Variants in CEP72 observed in about 807,000 individuals in gnomAD.
CEP72 encodes the protein centrosomal protein of 72 kDa.
In CEP72, 78 loss-of-function variants were observed where a neutral mutation model predicts 65.7. The ratio of observed to expected loss-of-function variants is 1.19; its 90% CI spans 0.99 to 1.43. The LOEUF is 1.43. CEP72 is among the 40% of genes most tolerant of loss of function. CEP72 has a pLI of 0.00. For synonymous variants in CEP72, 358 were observed against 351.7 expected, an observed-to-expected ratio of 1.02 and a Z score of -0.20; for missense variants, 914 against 832.9, an observed-to-expected ratio of 1.10 and a Z score of -1.20.
Position 633,947 on chromosome 5 carries a change from G to A in CEP72, c.691G>A (p.Glu231Lys), listed in dbSNP as rs1737408837. ...GREADSRGSQ[E>K]SRHLLSPQLV... ...TGAGGCCGACTCTCGTGGTTCCCAA[G>A]GTGCGCTGCTCATCTGCCAGGAGGC... Residue 231 changes from glutamate to lysine, a missense_variant and splice_region_variant, in exon 5 of 12, where the codon GAA becomes AAA. By Grantham distance (56) the Glu-to-Lys change is moderately conservative. Transcript: ENST00000264935. 1.2e-6 allele frequency: 2 copies of A among 1,610,864 alleles called. No homozygotes were observed. Among genetic ancestry groups the A allele is most frequent in the Non-Finnish European group, 1.7e-6 (2 of 1,179,900 alleles).
intron 4 of CEP72, among the ~76,000 whole-genome samples, chr5:628,284 G>A (rs1209186163): frequency 3.9e-5 from 6 of 152,252 alleles, no homozygotes; most frequent in Non-Finnish European, 8.8e-5. Flanking sequence ...GGAAGATGAC[G>A]TGGGTCAATG....
Position 633,952 on chromosome 5 carries a change from G to T in CEP72, c.691+5G>T, listed in dbSNP as rs775340730. ...CCGACTCTCGTGGTTCCCAAGGTGCGCTGCTCATCTGCCAGGAGGCCAGTG... is the reference window on the plus strand; with the variant it reads ...CCGACTCTCGTGGTTCCCAAGGTGCTCTGCTCATCTGCCAGGAGGCCAGTG... On this transcript the variant is annotated splice_donor_5th_base_variant and intron_variant, in intron 5 of 11. Transcript: ENST00000264935. 3.7e-6 allele frequency: 6 copies of T among 1,610,198 alleles called. No individual in the cohort carries two copies. Among genetic ancestry groups the T allele is most frequent in the Middle Eastern group, 1.7e-4 (1 of 6,034 alleles).
chr5:635,691 G>A (rs1356450508), intron 6 of CEP72, 107 bp downstream of exon 6: 5 of 939,332 alleles, frequency 5.3e-6, no homozygotes, highest in Non-Finnish European at 8.2e-6. Context: ...CTGGAGGCTG[G>A]GAAGTCCAAG....
chr5:644,193 G>A (rs1471840233), intron 9 of CEP72, 106 bp from the exon 10 acceptor site: 1 of 1,268,352 alleles, frequency 7.9e-7, no homozygotes, highest in Non-Finnish European at 1.1e-6. Flanking sequence ...TGACTCCCAA[G>A]TATGCAGAAG....
chr5:627,536 GCA>G (rs1736833579), intron 4 of CEP72, among the ~76,000 whole-genome samples: 1 of 152,096 alleles, frequency 6.6e-6, no homozygotes, highest in Non-Finnish European at 1.5e-5. Context: ...CTGTTTTCCT[GCA>G]CAGTTGCTAG....
Position 645,736 on chromosome 5 carries a change from G to A in CEP72, c.1666+1311G>A, listed in dbSNP as rs1298833730. Among the ~76,000 whole-genome samples the A allele has an allele frequency of 6.6e-6, 1 of 152,250 alleles. No individual in the cohort carries two copies. Among genetic ancestry groups the A allele is most frequent in the Admixed American group, 6.5e-5 (1 of 15,294 alleles). On this transcript the variant is annotated intron_variant, in intron 10 of 11. Coordinates refer to ENST00000264935, the MANE Select transcript of CEP72 (RefSeq NM_018140.4). The surrounding 1 kb of genome is among the most constrained non-coding windows in gnomAD (Gnocchi z 4.0). ...TCTGCCCCTGAACTGGAACAACAGAGTAAATAATAGTCTAACTTGTCTTTG... is the reference window on the plus strand; with the variant it reads ...TCTGCCCCTGAACTGGAACAACAGAATAAATAATAGTCTAACTTGTCTTTG...
At chr5:668,671 A>C (rs980287228), downstream of CEP72, among the ~76,000 whole-genome samples, 5 of 152,272 alleles carry the variant, frequency 3.3e-5, no homozygotes, top group Non-Finnish European at 7.3e-5. Flanking sequence ...GTGGCCCAGC[A>C]GTCCCGTTCC....
In CEP72 at chr5:640,949, C is replaced by T. The variant is rs1377559696; in HGVS notation, c.1539+345C>T. ...CTCAGGGCCTCGAACTGGGGAAAAC[C>T]GAGGCCACTCTCCTTTTATGAAGGA... On this transcript the variant is annotated intron_variant, in intron 9 of 11. Transcript: ENST00000264935. 1.1e-5 allele frequency: 11 copies of T among 985,454 alleles called. No homozygotes were observed. In the South Asian group the frequency reaches 1.4e-4, roughly 13 times the overall value. The allele number at this position is 985,454 out of a possible 1,614,324, so 61.0% of individuals were successfully genotyped here.
chr5:637,890 G>A (rs1449490086), intron 7 of CEP72, 72 bp downstream of exon 7: 19 of 1,390,996 alleles, frequency 1.4e-5, no homozygotes, highest in Admixed American at 5.5e-5. Flanking sequence ...CGGCTTTGGC[G>A]GGGCCGTGAT....
intron 11 of CEP72, among the ~76,000 whole-genome samples, chr5:649,249 T>C (rs1455081538): frequency 1.3e-4 from 8 of 62,522 alleles, no homozygotes; most frequent in African/African-American, 6.0e-4. Context: ...GACTGTGAGG[T>C]GTGGACTGTG....
downstream of CEP72, among the ~76,000 whole-genome samples, chr5:653,960 G>GTGTGTGTGTGCCCTTGC (rs1342419193): frequency 1.3e-5 from 2 of 149,646 alleles, no homozygotes; most frequent in Non-Finnish European, 3.0e-5. Flanking sequence ...CTAGCTCTGT[G>GTGTGTGTGTGCCCTTGC]TGTGTGTGTG....
chr5:661,302 C>G (rs1172528994), downstream of CEP72: 2 of 152,726 alleles, frequency 1.3e-5, no homozygotes, highest in African/African-American at 4.9e-5. Context: ...GAACCTGTCC[C>G]TGTCTCCTCT....
chr5:675,759 T>C, the CEP72 span: 1 of 152,726 alleles, frequency 6.5e-6, no homozygotes, highest in Admixed American at 6.5e-5. Context: ...TGAGTGGTCC[T>C]GGGTTAGTGT....
chr5:675,187 C>T, the CEP72 span, among the ~76,000 whole-genome samples: 12 of 51,860 alleles, frequency 2.3e-4, no homozygotes, highest in African/African-American at 9.6e-4. Flanking sequence ...ATGGAGGGTA[C>T]GGTGTGGCCA....
intron 4 of CEP72, among the ~76,000 whole-genome samples, chr5:625,951 A>G (rs1736728382): frequency 6.6e-6 from 1 of 151,028 alleles, no homozygotes; most frequent in South Asian, 2.1e-4. Context: ...TAATGGCCTC[A>G]TGGTAATTTG....
At position 624,711 on chromosome 5, in the gene CEP72, C is replaced by G; in HGVS notation, c.512+132C>G. ...ACACCAGGAGGGAGGAAGGGCAGAGCCTGCCTGGCGGGGACTCCGTGGACA... is the reference window on the plus strand; with the variant it reads ...ACACCAGGAGGGAGGAAGGGCAGAGGCTGCCTGGCGGGGACTCCGTGGACA... On this transcript the variant is annotated intron_variant, in intron 4 of 11. Transcript: ENST00000264935. This position sits in a 1 kb window ranked among gnomAD's most constrained non-coding sequence, Gnocchi z 4.7. The G allele has an allele frequency of 1.4e-6, 1 of 701,020 alleles. No homozygotes were observed. The highest frequency in any genetic ancestry group is 2.6e-6 in the Non-Finnish European group (1 of 385,582). The allele number at this position is 701,020 out of a possible 1,614,324, so 43.4% of individuals were successfully genotyped here. A position where few individuals can be genotyped will look rare whatever the true frequency, so the allele number is the denominator to read the frequency against.
intron 11 of CEP72, among the ~76,000 whole-genome samples, chr5:649,394 TGTGCCTGTGAGGC>T (rs1738752617): frequency 1.3e-5 from 1 of 78,274 alleles, no homozygotes; most frequent in African/African-American, 6.5e-5. Flanking sequence ...GACTGTGAGG[TGTGCCTGTGAGGC>T]GTGGACTGTG....
At chr5:627,979 G>A (rs568292311) in intron 4 of CEP72, among the ~76,000 whole-genome samples, 4 of 152,210 alleles carry the variant, frequency 2.6e-5, no homozygotes, top group Non-Finnish European at 5.9e-5. Flanking sequence ...CAGGGTGCGC[G>A]CGGGCACGGA....
At chr5:637,846 C>T in intron 7 of CEP72, 28 bp downstream of exon 7, 1 of 1,493,238 alleles carries the variant, frequency 6.7e-7, no homozygotes, top group Non-Finnish European at 8.9e-7. Flanking sequence ...GAGCAGCAGG[C>T]CCACGGCACT....
Sources: allele counts gnomAD v4.1 joint callset (sites outside exome capture counted in the v4.1 genomes callset), GRCh38; gene constraint gnomAD v4.1.1; non-coding constraint Gnocchi (gnomAD v3.1); transcripts MANE v1.5; gene names NCBI Gene and HGNC (gene_info 2026-07-23, HGNC 2026-07-21).